PKHD1: variants seen among roughly 807,000 people sequenced by gnomAD.
PKHD1 encodes the protein fibrocystin.
A neutral mutation model predicts 412.0 loss-of-function variants in PKHD1; 291 were observed. The observed-to-expected ratio is 0.71, with a 90% CI of 0.64 to 0.78. The LOEUF (loss-of-function observed/expected upper bound fraction) is 0.78, where lower values mean the gene tolerates loss of function less well. Among genes scored for constraint, PKHD1 ranks in the 30% least tolerant of loss-of-function variants. The pLI is 0.00. For synonymous variants in PKHD1, 1,777 were observed against 1,821.5 expected (o/e 0.98, Z 0.62); for missense variants, 4,825 against 4,950.7 (o/e 0.97, Z 0.76).
At chr6:51,886,467 A>T (rs974598618) in intron 44 of PKHD1, among the ~76,000 whole-genome samples, 1 of 152,206 alleles carries the variant, frequency 6.6e-6, no homozygotes, top group African/African-American at 2.4e-5. Flanking sequence ...TTCAGCCTTT[A>T]AAGAGAAGGA....
Position 51,855,959 on chromosome 6 carries a change from A to G in PKHD1, c.7845T>C (p.Ala2615=). Residue 2615 remains alanine (A), a synonymous_variant, in exon 49 of 67, where the codon GCT becomes GCC. Coordinates refer to ENST00000371117, the MANE Select transcript of PKHD1 (RefSeq NM_138694.4). The part of the protein sequence containing the change: ...DTLSNPRGWM[A]LLLDQETYSL... ...AGTAGGTCTCTTGGTCCAAGAGCAG[A>G]GCCATCCAGCCACGAGGGTTAGACA... 1.2e-6 allele frequency: 2 copies of G among 1,613,636 alleles called. No individual in the cohort carries two copies. The highest frequency in any genetic ancestry group is 1.7e-6 in the Non-Finnish European group (2 of 1,179,496).
At chr6:51,639,004 G>A (rs768120045) in intron 63 of PKHD1, 48 bp from the exon 64 acceptor site, 34 of 1,287,558 alleles carry the variant, frequency 2.6e-5, no homozygotes, top group Admixed American at 1.8e-4. Context: ...ATCTAATCTC[G>A]AACAATGTCT....
At chr6:51,749,656 A>T (rs1299317380) in intron 57 of PKHD1, among the ~76,000 whole-genome samples, 1 of 152,202 alleles carries the variant, frequency 6.6e-6, no homozygotes, top group African/African-American at 2.4e-5. Context: ...TACAATTATT[A>T]TCCCCATTTT....
Position 51,959,853 on chromosome 6 carries a change from C to G in PKHD1, c.5908+17G>C. On this transcript the variant is annotated intron_variant, in intron 36 of 66. Transcript: ENST00000371117. ...AATCATATAGAATAATATTACCAAC[C>G]TACAAACTTCACACACCTTTAATGT... The G allele has an allele frequency of 2.5e-6, 4 of 1,609,226 alleles. No individual in the cohort carries two copies. Among genetic ancestry groups the G allele is most frequent in the Non-Finnish European group, 3.4e-6 (4 of 1,175,860 alleles).
At chr6:51,707,393 G>T (rs890903876) in intron 60 of PKHD1, among the ~76,000 whole-genome samples, 1 of 152,086 alleles carries the variant, frequency 6.6e-6, no homozygotes, top group African/African-American at 2.4e-5. Context: ...CAGAGTACAG[G>T]CTGGCCTCAT....
chr6:51,941,358 C>T (rs1788528874), intron 36 of PKHD1, among the ~76,000 whole-genome samples: 1 of 146,398 alleles, frequency 6.8e-6, no homozygotes, highest in African/African-American at 2.5e-5. Flanking sequence ...CGGGTTCACG[C>T]CATTCTCCTG....
chr6:51,688,059 C>T (rs1380047943), intron 60 of PKHD1, among the ~76,000 whole-genome samples: 2 of 152,204 alleles, frequency 1.3e-5, no homozygotes, highest in African/African-American at 4.8e-5. Flanking sequence ...ATTACATTTT[C>T]ACTCTGATGT....
intron 48 of PKHD1, among the ~76,000 whole-genome samples, chr6:51,858,505 C>T (rs1773658952): frequency 6.6e-6 from 1 of 152,170 alleles, no homozygotes; most frequent in Non-Finnish European, 1.5e-5. Flanking sequence ...AAATAAAACA[C>T]ACTAGAAATA....
chr6:51,840,079 C>A (rs1359999216), intron 50 of PKHD1, among the ~76,000 whole-genome samples: 1 of 152,034 alleles, frequency 6.6e-6, no homozygotes, highest in Non-Finnish European at 1.5e-5. Context: ...CACATCTTTT[C>A]CCTGTCCTGA....
At chr6:51,864,404 A>G (rs370410959) in intron 48 of PKHD1, among the ~76,000 whole-genome samples, 2 of 152,346 alleles carry the variant, frequency 1.3e-5, no homozygotes, top group East Asian at 3.9e-4. Flanking sequence ...TTGTGGTTCT[A>G]CAGGTGAAAA....
intron 37 of PKHD1, among the ~76,000 whole-genome samples, chr6:51,920,670 T>C (rs1345556132): frequency 1.3e-5 from 2 of 152,252 alleles, no homozygotes; most frequent in Non-Finnish European, 2.9e-5. Context: ...TCTTTTTCTA[T>C]TGATTGGAAT....
At chr6:51,762,917 T>C (rs9349595) in intron 55 of PKHD1, among the ~76,000 whole-genome samples, 48,554 of 151,914 alleles carry the variant, frequency 0.32, 9,632 homozygotes, top group East Asian at 0.69. Context: ...GAAGGGTATA[T>C]GTAAACTACT....
At chr6:51,691,749 C>A (rs1436240633) in intron 60 of PKHD1, among the ~76,000 whole-genome samples, 3 of 152,100 alleles carry the variant, frequency 2.0e-5, no homozygotes, top group Non-Finnish European at 2.9e-5. Flanking sequence ...GTACAACAAA[C>A]CCCCATGACA....
intron 60 of PKHD1, among the ~76,000 whole-genome samples, chr6:51,667,212 T>C (rs1386448168): frequency 1.4e-5 from 2 of 141,940 alleles, no homozygotes; most frequent in Admixed American, 1.4e-4. Context: ...ACCTGTTGTT[T>C]CCTGACTTTT....
rs9474136 is a variant in PKHD1, at chr6:52,046,133, G to C, written c.2463C>G (p.Ala821=). ...HHLHQLLQNN[A]DDFTSRYLNA... ...TGAGGTACCTGGATGTGAAGTCATC[G>C]GCATTATTCTGTAAGAGCTGGTGAA... The change falls in exon 24 of 67, where the codon GCC becomes GCG. Residue 821 remains alanine (A), a synonymous_variant. Coordinates refer to ENST00000371117, the MANE Select transcript of PKHD1 (RefSeq NM_138694.4). 6.2e-4 allele frequency: 999 copies of C among 1,613,414 alleles called. 5 individuals carry two copies. In the African/African-American group the frequency reaches 0.011, roughly 18 times the overall value.
In PKHD1 at chr6:51,775,856, C is replaced by T. The variant is rs749536372; in HGVS notation, c.8506G>A (p.Val2836Ile). 10 of 1,600,142 alleles carry T rather than the reference C, an allele frequency of 6.2e-6. No individual in the cohort carries two copies. The East Asian group carries it at 2.0e-4, about 32-fold the overall frequency. ...LLILLRASEGVFCDRMNGIHI... is the reference protein window; with the variant it reads ...LLILLRASEGIFCDRMNGIHI... ...ATTCCATTCATACGGTCACAAAAGACTCCCTCTGAGGCTCTAAGGAGAATC... is the reference window on the plus strand; with the variant it reads ...ATTCCATTCATACGGTCACAAAAGATTCCCTCTGAGGCTCTAAGGAGAATC... Residue 2836 changes from valine (V) to isoleucine (I), a missense_variant, in exon 54 of 67, where the codon GTC becomes ATC. By Grantham distance (29) the Val-to-Ile change is conservative. Coordinates refer to ENST00000371117, the MANE Select transcript of PKHD1 (RefSeq NM_138694.4).
rs140827103 is a variant in PKHD1 at position 51,995,018 on chromosome 6, C to T, written c.5751+15291G>A. Reference sequence around the variant, plus strand: ...TGTAACTTACCAGGAATCTAAAACACCCTACAAGAATCAGGTATGCTCTCT... The same window carrying T: ...TGTAACTTACCAGGAATCTAAAACATCCTACAAGAATCAGGTATGCTCTCT... On this transcript the variant is annotated intron_variant, in intron 35 of 66. Transcript: ENST00000371117. Among the ~76,000 whole-genome samples the T allele has an allele frequency of 4.9e-3, 752 of 152,310 alleles. 7 individuals are homozygous for T. Among genetic ancestry groups the T allele is most frequent in the African/African-American group, 0.017 (695 of 41,538 alleles).
intron 60 of PKHD1, among the ~76,000 whole-genome samples, chr6:51,728,246 A>G: frequency 6.6e-6 from 1 of 152,156 alleles, no homozygotes; most frequent in Non-Finnish European, 1.5e-5. Flanking sequence ...ACTGAAAGTA[A>G]TTTATAACCT....
chr6:51,855,777 T>G lies in PKHD1; in HGVS notation c.7911+116A>C, dbSNP rs540789698. On this transcript the variant is annotated intron_variant, in intron 49 of 66. Coordinates refer to ENST00000371117, the MANE Select transcript of PKHD1 (RefSeq NM_138694.4). ...AGTTTTCTTTATCTGCATCAGAATA[T>G]GCCAAGACTTTCAATAACGAGATAA... 118 of 849,138 alleles carry G rather than the reference T, an allele frequency of 1.4e-4. No individual in the cohort carries two copies. In the Admixed American group the frequency reaches 2.1e-3, roughly 15 times the overall value. The allele number at this position is 849,138 out of a possible 1,614,324, so 52.6% of individuals were successfully genotyped here.
Sources: allele counts gnomAD v4.1 joint callset (sites outside exome capture counted in the v4.1 genomes callset), GRCh38; gene constraint gnomAD v4.1.1; transcripts MANE v1.5; gene names NCBI Gene and HGNC (gene_info 2026-07-23, HGNC 2026-07-21).